Variants in CD1B observed in about 807,000 individuals in gnomAD.
The protein encoded by CD1B is CD1b molecule, also known as T-cell surface glycoprotein CD1b.
In CD1B, 43 loss-of-function variants were observed where a neutral mutation model predicts 39.8. The ratio of observed to expected loss-of-function variants is 1.08; its 90% confidence interval spans 0.85 to 1.39. CD1B has a LOEUF of 1.39. CD1B is among the 40% of genes most tolerant of loss of function. The probability of loss-of-function intolerance (pLI) is 0.00; values close to 1 mark genes in which losing one functional copy is unlikely to be tolerated. For synonymous variants in CD1B, 192 were observed against 152.5 expected, an observed-to-expected ratio of 1.26 and a Z score of -1.91; for missense variants, 495 against 403.8, an observed-to-expected ratio of 1.23 and a Z score of -1.94.
At chr1:158,292,369 A>C in the CD1B span, 1 of 1,610,146 alleles carries the variant, frequency 6.2e-7, no homozygotes, top group Non-Finnish European at 8.5e-7. Flanking sequence ...AGGCAAGGTC[A>C]GTAGTTTCAG....
chr1:158,306,806 C>T, the CD1B span, among the ~76,000 whole-genome samples: 16 of 151,274 alleles, frequency 1.1e-4, no homozygotes, highest in South Asian at 2.1e-4. Flanking sequence ...ACATGGAAAC[C>T]GAGCAACCTG....
chr1:158,315,664 A>G, the CD1B span, among the ~76,000 whole-genome samples: 1 of 151,638 alleles, frequency 6.6e-6, no homozygotes, highest in Non-Finnish European at 1.5e-5. Context: ...TAGTTTAATT[A>G]GATCCCATTT....
chr1:158,329,286 A>T (rs1652485091), intron 4 of CD1B, 84 bp downstream of exon 4: 1 of 1,493,240 alleles, frequency 6.7e-7, no homozygotes, highest in Non-Finnish European at 9.1e-7. Flanking sequence ...TTCATCTCTC[A>T]AGCTCTATCC....
chr1:158,289,160 G>A, the CD1B span, among the ~76,000 whole-genome samples: 1 of 152,120 alleles, frequency 6.6e-6, no homozygotes, highest in African/African-American at 2.4e-5. Flanking sequence ...TTGTATCTGG[G>A]ATTCTATACA....
chr1:158,305,850 G>A, the CD1B span, among the ~76,000 whole-genome samples: 1 of 152,166 alleles, frequency 6.6e-6, no homozygotes, highest in Admixed American at 6.6e-5. Context: ...AAGTGAAGGA[G>A]AAATAAAATA....
At chr1:158,308,582 A>C in the CD1B span, among the ~76,000 whole-genome samples, 1 of 152,202 alleles carries the variant, frequency 6.6e-6, no homozygotes. Context: ...TTCAAACTAT[A>C]CTACAAGGCT....
chr1:158,321,794 G>T, the CD1B span, among the ~76,000 whole-genome samples: 1 of 152,184 alleles, frequency 6.6e-6, no homozygotes, highest in East Asian at 1.9e-4. Flanking sequence ...GGGTACATGT[G>T]CAGGATGTAT....
the CD1B span, chr1:158,289,965 T>A: frequency 9.5e-7 from 1 of 1,054,602 alleles, no homozygotes; most frequent in Non-Finnish European, 1.4e-6. Context: ...GGAAGATTGT[T>A]GGTAGAAGGA....
chr1:158,293,563 T>C, the CD1B span: 1 of 1,613,838 alleles, frequency 6.2e-7, no homozygotes, highest in South Asian at 1.1e-5. Context: ...CCGTCGACTC[T>C]CCATTTAAAT....
chr1:158,299,518 A>G, the CD1B span, among the ~76,000 whole-genome samples: 3 of 152,136 alleles, frequency 2.0e-5, no homozygotes, highest in Admixed American at 6.5e-5. Flanking sequence ...GTAAGGGAGG[A>G]TTCCCTCTTT....
the CD1B span, among the ~76,000 whole-genome samples, chr1:158,297,064 T>C: frequency 6.6e-6 from 1 of 152,150 alleles, no homozygotes; most frequent in East Asian, 1.9e-4. Flanking sequence ...TCAACTTCAC[T>C]ATAGAGGTCA....
chr1:158,323,207 G>T, downstream of CD1B, among the ~76,000 whole-genome samples: 1 of 150,826 alleles, frequency 6.6e-6, no homozygotes, highest in Non-Finnish European at 1.5e-5. Flanking sequence ...TCCCACTTTG[G>T]CCATATTTCA....
the CD1B span, among the ~76,000 whole-genome samples, chr1:158,314,431 T>A: frequency 1.3e-5 from 2 of 152,138 alleles, no homozygotes; most frequent in East Asian, 3.9e-4. Context: ...TTCTTTTGTG[T>A]TGTTTTTTAA....
the CD1B span, among the ~76,000 whole-genome samples, chr1:158,297,937 C>T: frequency 4.2e-5 from 6 of 144,334 alleles, no homozygotes; most frequent in African/African-American, 7.6e-5. Flanking sequence ...CCCTGTCTCA[C>T]GTTAAAAAAG....
chr1:158,299,242 C>T, the CD1B span, among the ~76,000 whole-genome samples: 2 of 152,098 alleles, frequency 1.3e-5, no homozygotes, highest in Non-Finnish European at 2.9e-5. Context: ...TGAATTTTGT[C>T]AAAGGCCTTT....
downstream of CD1B, among the ~76,000 whole-genome samples, chr1:158,327,341 C>A (rs1652392294): frequency 6.6e-6 from 1 of 152,138 alleles, no homozygotes; most frequent in Admixed American, 6.5e-5. Flanking sequence ...CTCACTATGA[C>A]CCTTTAAAAG....
the CD1B span, among the ~76,000 whole-genome samples, chr1:158,316,928 G>T: frequency 6.6e-6 from 1 of 151,664 alleles, no homozygotes; most frequent in Non-Finnish European, 1.5e-5. Context: ...TGTGGTTTTT[G>T]TCTTTGGCTC....
the CD1B span, among the ~76,000 whole-genome samples, chr1:158,315,920 T>A: frequency 6.6e-6 from 1 of 152,084 alleles, no homozygotes; most frequent in South Asian, 2.1e-4. Context: ...GGGGAATCCT[T>A]TCCCCATTGC....
chr1:158,295,517 C>T, the CD1B span, among the ~76,000 whole-genome samples: 1 of 152,078 alleles, frequency 6.6e-6, no homozygotes, highest in African/African-American at 2.4e-5. Flanking sequence ...TCTATGGAAC[C>T]CAGAGGGTTT....
Sources: allele counts gnomAD v4.1 joint callset (sites outside exome capture counted in the v4.1 genomes callset), GRCh38; gene constraint gnomAD v4.1.1; transcripts MANE v1.5; gene names NCBI Gene and HGNC (gene_info 2026-07-23, HGNC 2026-07-21).